The following SLC35F4 variants were observed in gnomAD, a reference collection of about 807,000 sequenced individuals.
SLC35F4 encodes chromosome 14 open reading frame 36.
A neutral mutation model predicts 44.2 loss-of-function variants in SLC35F4; 24 were observed. That is an observed-to-expected ratio of 0.54 (90% CI 0.39 to 0.76). The LOEUF (loss-of-function observed/expected upper bound fraction) is 0.76. SLC35F4 is among the 30% of genes least tolerant of loss of function. The probability of loss-of-function intolerance (pLI) is 0.00; values close to 1 mark genes in which losing one functional copy is unlikely to be tolerated. For synonymous variants in SLC35F4, 238 were observed against 223.6 expected, an observed-to-expected ratio of 1.06 and a Z score of -0.57; for missense variants, 562 against 586.1, an observed-to-expected ratio of 0.96 and a Z score of 0.42.
intron 1 of SLC35F4, among the ~76,000 whole-genome samples, chr14:57,921,896 A>T (rs537906593): frequency 8.5e-4 from 130 of 152,310 alleles, no homozygotes; most frequent in African/African-American, 3.0e-3. Context: ...TAGGTTGGGG[A>T]AGGCAAAATT....
At chr14:57,570,357 C>A (rs1237017320) in intron 5 of SLC35F4, among the ~76,000 whole-genome samples, 1 of 152,090 alleles carries the variant, frequency 6.6e-6, no homozygotes, top group Non-Finnish European at 1.5e-5. Context: ...TTTGTTTTAT[C>A]CTTATTTTGA....
intron 1 of SLC35F4, among the ~76,000 whole-genome samples, chr14:57,893,911 G>A (rs936216468): frequency 1.3e-4 from 19 of 151,848 alleles, no homozygotes; most frequent in African/African-American, 4.6e-4. Flanking sequence ...CTAATTGCTG[G>A]GATTATTTTT....
intron 1 of SLC35F4, among the ~76,000 whole-genome samples, chr14:57,703,298 C>T (rs2075588280): frequency 6.6e-6 from 1 of 152,148 alleles, no homozygotes; most frequent in Non-Finnish European, 1.5e-5. Flanking sequence ...CAGAAAAATA[C>T]AGTAGGTGGC....
intron 1 of SLC35F4, among the ~76,000 whole-genome samples, chr14:57,739,121 G>T (rs2076541652): frequency 6.6e-6 from 1 of 152,182 alleles, no homozygotes; most frequent in African/African-American, 2.4e-5. Context: ...GCCAAGAGGT[G>T]TAACTTTTGG....
upstream of SLC35F4, among the ~76,000 whole-genome samples, chr14:57,871,023 C>T (rs768512792): frequency 6.6e-6 from 1 of 152,182 alleles, no homozygotes; most frequent in South Asian, 2.1e-4. Context: ...GGAAAGGGAC[C>T]GAGGCTGTTA....
intron 1 of SLC35F4, among the ~76,000 whole-genome samples, chr14:57,897,838 C>T (rs1888913969): frequency 6.6e-6 from 1 of 152,108 alleles, no homozygotes; most frequent in Non-Finnish European, 1.5e-5. Context: ...AAACAGAGCA[C>T]AAAAATAGGC....
At chr14:57,757,722 T>C (rs551304984) in intron 1 of SLC35F4, among the ~76,000 whole-genome samples, 1 of 152,300 alleles carries the variant, frequency 6.6e-6, no homozygotes, top group African/African-American at 2.4e-5. Context: ...ACTTTTGTTA[T>C]AAACCCCAGA....
intron 1 of SLC35F4, among the ~76,000 whole-genome samples, chr14:57,934,730 CA>C (rs1353256872): frequency 6.6e-6 from 1 of 152,048 alleles, no homozygotes; most frequent in Non-Finnish European, 1.5e-5. Flanking sequence ...GAGTAAACAA[CA>C]AATAGCAGAG....
chr14:57,679,475 A>G (rs1315266818), intron 1 of SLC35F4, among the ~76,000 whole-genome samples: 4 of 152,114 alleles, frequency 2.6e-5, no homozygotes. Flanking sequence ...CTAGAGAAGC[A>G]GGAGCAAACA....
intron 1 of SLC35F4, among the ~76,000 whole-genome samples, chr14:57,725,703 C>G (rs561942998): frequency 4.4e-4 from 67 of 152,296 alleles, no homozygotes; most frequent in African/African-American, 1.6e-3. Context: ...TTTGAAGTCA[C>G]ACTAACAATG....
At chr14:57,661,832 T>C (rs1018478222) in intron 1 of SLC35F4, among the ~76,000 whole-genome samples, 1 of 152,194 alleles carries the variant, frequency 6.6e-6, no homozygotes. Flanking sequence ...TGGGCTCTAA[T>C]AATATGCACT....
chr14:57,883,625 A>G (rs1337680606), intron 1 of SLC35F4, among the ~76,000 whole-genome samples: 3 of 152,350 alleles, frequency 2.0e-5, no homozygotes, highest in Non-Finnish European at 2.9e-5. Flanking sequence ...TAATTTAGAT[A>G]TAAGTTTTAA....
At chr14:57,798,844 G>C (rs2078118044) in intron 1 of SLC35F4, among the ~76,000 whole-genome samples, 1 of 152,164 alleles carries the variant, frequency 6.6e-6, no homozygotes, top group South Asian at 2.1e-4. Context: ...TAGCAGCTTA[G>C]TTCTGTTTAA....
chr14:57,878,514 T>C (rs973725708), intron 1 of SLC35F4, among the ~76,000 whole-genome samples: 11 of 152,276 alleles, frequency 7.2e-5, no homozygotes, highest in South Asian at 2.1e-4. Context: ...GAATGAACTC[T>C]TTTGAGATCT....
chr14:57,718,192 T>G (rs973450144), intron 1 of SLC35F4, among the ~76,000 whole-genome samples: 1 of 152,204 alleles, frequency 6.6e-6, no homozygotes, highest in African/African-American at 2.4e-5. Context: ...TTTTTATAGC[T>G]CAATAGTACT....
intron 1 of SLC35F4, among the ~76,000 whole-genome samples, chr14:57,713,692 T>C (rs556567697): frequency 2.6e-5 from 4 of 152,220 alleles, no homozygotes; most frequent in Non-Finnish European, 5.9e-5. Flanking sequence ...TTATTCATTT[T>C]ACCTTTGCCA....
chr14:57,776,867 C>T (rs937440279), intron 1 of SLC35F4, among the ~76,000 whole-genome samples: 6 of 152,014 alleles, frequency 3.9e-5, no homozygotes, highest in Non-Finnish European at 7.4e-5. Context: ...TTTGGAAACA[C>T]AGGAGAAATA....
intron 1 of SLC35F4, among the ~76,000 whole-genome samples, chr14:57,597,102 T>C (rs2070539068): frequency 6.6e-6 from 1 of 152,240 alleles, no homozygotes; most frequent in East Asian, 1.9e-4. Context: ...TCGTCTGGGA[T>C]GTAGTCAAGT....
intron 1 of SLC35F4, among the ~76,000 whole-genome samples, chr14:57,808,997 T>G (rs1881665520): frequency 6.6e-6 from 1 of 152,154 alleles, no homozygotes; most frequent in South Asian, 2.1e-4. Flanking sequence ...CACTCTGAGT[T>G]TACATAGTGG....
Sources: allele counts gnomAD v4.1 joint callset (sites outside exome capture counted in the v4.1 genomes callset), GRCh38; gene constraint gnomAD v4.1.1; transcripts MANE v1.5; gene names NCBI Gene and HGNC (gene_info 2026-07-23, HGNC 2026-07-21).